PAK5: variants seen among roughly 807,000 people sequenced by gnomAD.
The protein encoded by PAK5 is p21 (RAC1) activated kinase 5, also known as serine/threonine-protein kinase PAK 5.
Under a neutral mutation model 65.9 loss-of-function variants are expected in PAK5, and 16 were observed. The ratio of observed to expected loss-of-function variants is 0.24; its 90% CI spans 0.16 to 0.37. The LOEUF (loss-of-function observed/expected upper bound fraction) is 0.37, where lower values mean the gene tolerates loss of function less well. Ranked by LOEUF, PAK5 falls within the 10% of genes least tolerant of loss-of-function variation. The probability of loss-of-function intolerance (pLI) is 1.00; values close to 1 mark genes in which losing one functional copy is unlikely to be tolerated. For synonymous variants in PAK5, 371 were observed against 354.9 expected (o/e 1.05, Z -0.51); for missense variants, 785 against 903.9 (o/e 0.87, Z 1.69).
chr20:9,766,332 G>A (rs1336341981), intron 1 of PAK5, among the ~76,000 whole-genome samples: 2 of 94,430 alleles, frequency 2.1e-5, no homozygotes, highest in Non-Finnish European at 2.1e-5. Flanking sequence ...CTACTTACTT[G>A]AATATATATA....
intron 2 of PAK5, among the ~76,000 whole-genome samples, chr20:9,645,550 C>T (rs970376825): frequency 6.6e-6 from 1 of 151,502 alleles, no homozygotes; most frequent in African/African-American, 2.4e-5. Flanking sequence ...TATCTCAGCC[C>T]TTGGACTGGA....
At chr20:9,756,889 A>G (rs2048640712) in intron 1 of PAK5, among the ~76,000 whole-genome samples, 1 of 152,180 alleles carries the variant, frequency 6.6e-6, no homozygotes. Context: ...GCCCTAGTGC[A>G]GGGAAAGTCC....
chr20:9,715,687 A>G, intron 1 of PAK5, among the ~76,000 whole-genome samples: 1 of 152,088 alleles, frequency 6.6e-6, no homozygotes, highest in Non-Finnish European at 1.5e-5. Context: ...AAAATGTGGC[A>G]CATATACACC....
chr20:9,795,985 G>T (rs75630937), intron 1 of PAK5, among the ~76,000 whole-genome samples: 1 of 151,618 alleles, frequency 6.6e-6, no homozygotes, highest in African/African-American at 2.4e-5. Flanking sequence ...ACAATGGATC[G>T]TCCTATAACT....
intron 2 of PAK5, among the ~76,000 whole-genome samples, chr20:9,644,634 G>A (rs1194894040): frequency 6.6e-6 from 1 of 152,172 alleles, no homozygotes; most frequent in African/African-American, 2.4e-5. Context: ...CAAGTTCAGG[G>A]CAGAAGTTTT....
intron 2 of PAK5, among the ~76,000 whole-genome samples, chr20:9,686,963 AG>A (rs1299924005): frequency 6.6e-6 from 1 of 152,184 alleles, no homozygotes; most frequent in Non-Finnish European, 1.5e-5. Context: ...TGTGTGACTG[AG>A]GCTCAGTTCT....
intron 3 of PAK5, among the ~76,000 whole-genome samples, chr20:9,626,906 G>A (rs994458884): frequency 3.3e-5 from 5 of 151,948 alleles, no homozygotes; most frequent in Middle Eastern, 3.4e-3. Context: ...TCACCCTTTC[G>A]TGTATGTGTA....
intron 1 of PAK5, among the ~76,000 whole-genome samples, chr20:9,757,350 C>T (rs964514198): frequency 2.6e-5 from 4 of 152,062 alleles, no homozygotes; most frequent in Admixed American, 6.6e-5. Flanking sequence ...GACTATCAGA[C>T]CTATTTTCAT....
chr20:9,835,413 A>G (rs938921678), intron 1 of PAK5, among the ~76,000 whole-genome samples: 1 of 152,164 alleles, frequency 6.6e-6, no homozygotes, highest in African/African-American at 2.4e-5. Flanking sequence ...GGGATGTTCC[A>G]GAAACAGACA....
chr20:9,723,476 C>A (rs1480327662), intron 1 of PAK5, among the ~76,000 whole-genome samples: 1 of 152,100 alleles, frequency 6.6e-6, no homozygotes, highest in Non-Finnish European at 1.5e-5. Context: ...AAATAAAATA[C>A]GGCCTCAATT....
At chr20:9,670,298 G>A (rs1460487288) in intron 2 of PAK5, among the ~76,000 whole-genome samples, 5 of 152,128 alleles carry the variant, frequency 3.3e-5, no homozygotes. Context: ...GTAATGGGAT[G>A]GCTGGGTCAA....
At chr20:9,608,112 C>T (rs867689072) in intron 3 of PAK5, among the ~76,000 whole-genome samples, 1 of 152,098 alleles carries the variant, frequency 6.6e-6, no homozygotes, top group Admixed American at 6.5e-5. Context: ...ACTCTAATAC[C>T]ATTCATAAGG....
chr20:9,732,167 A>G (rs901106299), intron 1 of PAK5, among the ~76,000 whole-genome samples: 2 of 148,696 alleles, frequency 1.3e-5, no homozygotes, highest in Non-Finnish European at 3.0e-5. Context: ...AAAATGGAAA[A>G]AACTCACTCT....
chr20:9,576,068 T>C (rs1167224249), intron 4 of PAK5, among the ~76,000 whole-genome samples: 3 of 152,338 alleles, frequency 2.0e-5, no homozygotes, highest in Non-Finnish European at 4.4e-5. Context: ...CCACCATTCA[T>C]CTACATGCTC....
At chr20:9,671,490 G>A (rs1033632013) in intron 2 of PAK5, among the ~76,000 whole-genome samples, 14 of 151,782 alleles carry the variant, frequency 9.2e-5, no homozygotes, top group South Asian at 6.3e-4. Flanking sequence ...GGTCCTTCAC[G>A]TCCCTTGTAA....
At chr20:9,735,631 A>G (rs1254137426) in intron 1 of PAK5, among the ~76,000 whole-genome samples, 1 of 152,134 alleles carries the variant, frequency 6.6e-6, no homozygotes, top group Non-Finnish European at 1.5e-5. Flanking sequence ...GCAAGACTAA[A>G]AAAACAAAAA....
chr20:9,715,724 G>T (rs1455511184), intron 1 of PAK5, among the ~76,000 whole-genome samples: 1 of 151,926 alleles, frequency 6.6e-6, no homozygotes, highest in South Asian at 2.1e-4. Flanking sequence ...CCATAAAAAA[G>T]GATGAGTTCA....
intron 1 of PAK5, among the ~76,000 whole-genome samples, chr20:9,833,760 C>T (rs1316406375): frequency 6.6e-6 from 1 of 152,180 alleles, no homozygotes; most frequent in Non-Finnish European, 1.5e-5. Context: ...TCATAATATT[C>T]ATCTTTCTAC....
chr20:9,539,661 C>T (rs372342221), intron 9 of PAK5, 44 bp from the exon 10 acceptor site: 1 of 1,533,396 alleles, frequency 6.5e-7, no homozygotes, highest in Non-Finnish European at 9.0e-7. Context: ...AACACAGACA[C>T]CTAACCCAGT....
Sources: gnomAD v4.1 joint callset for allele counts (sites outside exome capture counted in the v4.1 genomes callset) on GRCh38, gnomAD v4.1.1 for gene constraint, MANE v1.5 for transcripts, NCBI Gene and HGNC (gene_info 2026-07-23, HGNC 2026-07-21) for gene names.